FOCAD: variants seen among roughly 807,000 people sequenced by gnomAD.
FOCAD encodes focadhesin, also known as KIAA1797.
A neutral mutation model predicts 225.6 loss-of-function variants in FOCAD; 198 were observed. That is an observed-to-expected ratio of 0.88 (90% CI 0.78 to 0.99). FOCAD has a LOEUF of 0.99. Among genes scored for constraint, FOCAD ranks in the 50% least tolerant of loss-of-function variants. The pLI is 0.00. For missense variants in FOCAD, 2,713 were observed against 2,123.6 expected, an observed-to-expected ratio of 1.28 and a Z score of -5.46; for synonymous variants, 897 against 755.0, an observed-to-expected ratio of 1.19 and a Z score of -3.08.
intron 21 of FOCAD, among the ~76,000 whole-genome samples, chr9:20,905,210 C>G (rs1431070019): frequency 2.0e-5 from 3 of 151,924 alleles, no homozygotes; most frequent in Non-Finnish European, 4.4e-5. Context: ...CTACTGTGCT[C>G]CTGTACCCAC....
intron 1 of FOCAD, among the ~76,000 whole-genome samples, chr9:20,709,049 A>G (rs1345147077): frequency 6.6e-6 from 1 of 152,200 alleles, no homozygotes; most frequent in Non-Finnish European, 1.5e-5. Flanking sequence ...TAGTTGTACA[A>G]TATCCTAGAG....
chr9:20,693,448 A>G (rs1440923863), intron 1 of FOCAD, among the ~76,000 whole-genome samples: 1 of 152,088 alleles, frequency 6.6e-6, no homozygotes, highest in Non-Finnish European at 1.5e-5. Flanking sequence ...ATGCTATGTA[A>G]TTTACTATTT....
intron 5 of FOCAD, among the ~76,000 whole-genome samples, chr9:20,752,484 T>C (rs1431249767): frequency 6.6e-6 from 1 of 152,336 alleles, no homozygotes; most frequent in African/African-American, 2.4e-5. Flanking sequence ...TGCGGCGTTA[T>C]TTCTGAGAGC....
chr9:20,909,922 C>A (rs1833298063), intron 22 of FOCAD, among the ~76,000 whole-genome samples: 1 of 152,002 alleles, frequency 6.6e-6, no homozygotes, highest in Non-Finnish European at 1.5e-5. Context: ...TATTTTTTAG[C>A]ATTAAACTAG....
chr9:20,817,231 A>C (rs1482550960), intron 11 of FOCAD, among the ~76,000 whole-genome samples: 1 of 152,212 alleles, frequency 6.6e-6, no homozygotes, highest in Non-Finnish European at 1.5e-5. Context: ...CATGTAATTC[A>C]TCCATTTGAA....
intron 24 of FOCAD, among the ~76,000 whole-genome samples, chr9:20,921,457 A>G (rs1381508509): frequency 6.6e-6 from 1 of 152,110 alleles, no homozygotes; most frequent in Non-Finnish European, 1.5e-5. Flanking sequence ...TTTTTACTGA[A>G]CCAGTTATAG....
intron 1 of FOCAD, among the ~76,000 whole-genome samples, chr9:20,703,578 T>A (rs1011342961): frequency 5.9e-5 from 9 of 152,104 alleles, no homozygotes; most frequent in Admixed American, 5.9e-4. Context: ...GGGGCTGGTG[T>A]CTTATTTCTC....
chr9:20,799,755 T>A (rs1367005480), intron 11 of FOCAD, among the ~76,000 whole-genome samples: 1 of 152,152 alleles, frequency 6.6e-6, no homozygotes, highest in African/African-American at 2.4e-5. Context: ...GCATGTGAGA[T>A]GGGTTTCCTG....
intron 35 of FOCAD, among the ~76,000 whole-genome samples, chr9:20,962,152 A>G (rs1283283405): frequency 6.6e-6 from 1 of 152,092 alleles, no homozygotes; most frequent in African/African-American, 2.4e-5. Context: ...GGCTTCCGTG[A>G]TGTTCCCAGA....
rs1043036404 is a variant in FOCAD, at chr9:20,885,234, G to T, written c.2625+4G>T. The T allele has an allele frequency of 6.7e-7, 1 of 1,500,118 alleles. No individual in the cohort carries two copies. The highest frequency in any genetic ancestry group is 8.9e-7 in the Non-Finnish European group (1 of 1,123,256). 92.9% of individuals were successfully genotyped at this position (1,500,118 alleles called of 1,614,324 possible). ...TTCACTTGCTCTTGTACATGAGGTAGGTTCCCGTGTCCTCTTCTTTATGTT... is the reference window on the plus strand; with the variant it reads ...TTCACTTGCTCTTGTACATGAGGTATGTTCCCGTGTCCTCTTCTTTATGTT... On this transcript the variant is annotated splice_donor_region_variant and intron_variant, in intron 21 of 43. Coordinates refer to ENST00000338382, the MANE Select transcript of FOCAD (RefSeq NM_001375567.1).
chr9:20,817,350 G>A (rs967761743), intron 11 of FOCAD, among the ~76,000 whole-genome samples: 3 of 152,098 alleles, frequency 2.0e-5, no homozygotes, highest in Admixed American at 6.6e-5. Flanking sequence ...CCCATAAGAC[G>A]TCACTGCCTG....
At chr9:20,788,499 A>G (rs1002282926) in intron 10 of FOCAD, among the ~76,000 whole-genome samples, 1 of 152,206 alleles carries the variant, frequency 6.6e-6, no homozygotes, top group African/African-American at 2.4e-5. Flanking sequence ...TAAAAATTTG[A>G]TAAAGCTTAA....
chr9:20,768,320 G>T (rs901936503), intron 7 of FOCAD, among the ~76,000 whole-genome samples: 14 of 151,890 alleles, frequency 9.2e-5, no homozygotes, highest in African/African-American at 3.1e-4. Context: ...CTCTTTTTTG[G>T]TTCCATATGA....
rs1297110728 is a variant in FOCAD, at chr9:20,976,467, A to G, written c.4180A>G (p.Ile1394Val). 2.5e-6 allele frequency: 4 copies of G among 1,613,296 alleles called. No individual in the cohort carries two copies. The highest frequency in any genetic ancestry group is 3.3e-4 in the Middle Eastern group (2 of 6,054). ...CCTTCTTAAAGTAGTGATGAAACCC[A>G]TAGCAACTGTTGGAGAAAGCTACCA... is the stretch of plus-strand genomic sequence containing the variant. ...PSLLKVVMKP[I>V]ATVGESYQYP... The change falls in exon 36 of 44, where the codon ATA becomes GTA. Residue 1394 changes from isoleucine to valine, a missense_variant. By Grantham distance (29) the Ile-to-Val change is conservative. Transcript: ENST00000338382.
chr9:20,806,071 G>A (rs1231203939), intron 11 of FOCAD, among the ~76,000 whole-genome samples: 1 of 152,096 alleles, frequency 6.6e-6, no homozygotes, highest in Admixed American at 6.6e-5. Context: ...CAGACATTTA[G>A]CATTTACAAG....
At chr9:20,940,110 A>G (rs1836493801) in intron 28 of FOCAD, among the ~76,000 whole-genome samples, 1 of 151,946 alleles carries the variant, frequency 6.6e-6, no homozygotes, top group African/African-American at 2.4e-5. Context: ...GTAGGCCTGG[A>G]CTTCCTGTCC....
intron 6 of FOCAD, among the ~76,000 whole-genome samples, chr9:20,760,391 G>A (rs766859737): frequency 1.3e-5 from 2 of 152,198 alleles, no homozygotes; most frequent in African/African-American, 4.8e-5. Context: ...GTCATAGTAG[G>A]CTTAGTATAT....
intron 21 of FOCAD, among the ~76,000 whole-genome samples, chr9:20,886,780 C>G (rs1831137573): frequency 6.6e-6 from 1 of 152,182 alleles, no homozygotes; most frequent in African/African-American, 2.4e-5. Context: ...TTGCTTAAAA[C>G]ACAAAGGCTG....
chr9:20,660,174 C>G (rs912401365), intron 2 of FOCAD, among the ~76,000 whole-genome samples: 2 of 152,170 alleles, frequency 1.3e-5, no homozygotes, highest in African/African-American at 4.8e-5. Flanking sequence ...CAGACAATAA[C>G]TTGTGAGCCA....
Sources: gnomAD v4.1 joint callset for allele counts (sites outside exome capture counted in the v4.1 genomes callset) on GRCh38, gnomAD v4.1.1 for gene constraint, MANE v1.5 for transcripts, NCBI Gene and HGNC (gene_info 2026-07-23, HGNC 2026-07-21) for gene names.